Variants in WDR47 observed in about 807,000 individuals in gnomAD.
WDR47 encodes the protein WD repeat-containing protein 47.
A neutral mutation model predicts 97.2 loss-of-function variants in WDR47; 32 were observed. That is an observed-to-expected ratio of 0.33 (90% CI 0.25 to 0.44). WDR47 has a LOEUF of 0.44. WDR47 is among the 20% of genes least tolerant of loss of function. The pLI, the probability that WDR47 is intolerant of heterozygous loss-of-function variation, is 1.00. For synonymous variants in WDR47, 375 were observed against 373.5 expected (o/e 1.00, Z -0.05); for missense variants, 782 against 1,102.3 (o/e 0.71, Z 4.11).
At chr1:109,019,969 G>A (rs1183176493) in intron 2 of WDR47, among the ~76,000 whole-genome samples, 1 of 152,068 alleles carries the variant, frequency 6.6e-6, no homozygotes, top group Non-Finnish European at 1.5e-5. Context: ...AGCAAGATGG[G>A]CACAGTGGCT....
rs937911187 is a variant in WDR47 at position 109,011,128 on chromosome 1, A to G, written c.918T>C (p.Asp306=). 1 of 1,613,996 alleles carries G rather than the reference A, an allele frequency of 6.2e-7. No homozygotes were observed. Among genetic ancestry groups the G allele is most frequent in the African/African-American group, 1.3e-5 (1 of 74,910 alleles). The change falls in exon 5 of 15, where the codon GAT becomes GAC. Residue 306 remains aspartate, a synonymous_variant. Coordinates refer to ENST00000369962, the MANE Select transcript of WDR47 (RefSeq NM_001142551.2). Reference sequence around the variant, plus strand: ...GATTCAGAGAGCGGGTCATATAGGCATCAGCTGATTGAGGTCTTCTCATTG... The same window carrying G: ...GATTCAGAGAGCGGGTCATATAGGCGTCAGCTGATTGAGGTCTTCTCATTG... ...SSPMRRPQSA[D]AYMTRSLNPA... is the part of the protein sequence containing the mutation.
intron 8 of WDR47, chr1:108,992,967 T>C (rs1477663660): frequency 4.5e-6 from 3 of 666,534 alleles, no homozygotes; most frequent in Non-Finnish European, 7.6e-6. Flanking sequence ...AAAGGGCCCA[T>C]GAAATACCCA....
chr1:109,001,381 C>T (rs1660176636), intron 7 of WDR47, among the ~76,000 whole-genome samples: 1 of 151,864 alleles, frequency 6.6e-6, no homozygotes, highest in South Asian at 2.1e-4. Context: ...TAATTGGAAA[C>T]AATAAATGTA....
chr1:109,033,691 C>T (rs958020697), intron 1 of WDR47, among the ~76,000 whole-genome samples: 6 of 152,262 alleles, frequency 3.9e-5, no homozygotes, highest in Non-Finnish European at 7.4e-5. Context: ...GAGGCCAAGG[C>T]GGGCAGATCA....
At chr1:108,978,140 A>G (rs1379071136) in intron 13 of WDR47, among the ~76,000 whole-genome samples, 1 of 151,390 alleles carries the variant, frequency 6.6e-6, no homozygotes, top group Admixed American at 6.6e-5. Flanking sequence ...CATATCTTAC[A>G]GTGTCCCGTA....
intron 8 of WDR47, among the ~76,000 whole-genome samples, chr1:108,993,478 A>G (rs1659522886): frequency 6.6e-6 from 1 of 151,206 alleles, no homozygotes; most frequent in Non-Finnish European, 1.5e-5. Context: ...AAAAAAGGTG[A>G]AAAATAAAGC....
At chr1:109,010,273 A>G (rs1256831328) in intron 5 of WDR47, among the ~76,000 whole-genome samples, 1 of 151,816 alleles carries the variant, frequency 6.6e-6, no homozygotes, top group Non-Finnish European at 1.5e-5. Flanking sequence ...AAACATACAC[A>G]CTCCTGGGCA....
At chr1:109,023,794 G>A (rs374879589) in intron 1 of WDR47, among the ~76,000 whole-genome samples, 2 of 150,028 alleles carry the variant, frequency 1.3e-5, no homozygotes, top group African/African-American at 4.8e-5. Context: ...AATAATAGAA[G>A]AGAAGAGTGG....
At chr1:109,028,768 A>G (rs1662406420) in intron 1 of WDR47, among the ~76,000 whole-genome samples, 1 of 152,026 alleles carries the variant, frequency 6.6e-6, no homozygotes, top group Non-Finnish European at 1.5e-5. Context: ...ACTTTTTTTA[A>G]AAAACATTTT....
intron 1 of WDR47, chr1:109,030,404 AAATT>A (rs2102029611): frequency 2.4e-6 from 1 of 409,734 alleles, no homozygotes; most frequent in East Asian, 3.9e-5. Context: ...AATAAAATAA[AAATT>A]AAATGTTCAT....
intron 13 of WDR47, among the ~76,000 whole-genome samples, chr1:108,978,024 G>C (rs1022898960): frequency 2.0e-5 from 3 of 150,934 alleles, no homozygotes; most frequent in Non-Finnish European, 4.4e-5. Context: ...AATGTGGCTT[G>C]TTATTGTAGC....
Position 109,038,541 on chromosome 1 carries a change from TG to T in WDR47, c.-10+3320del, listed in dbSNP as rs1344558994. ...AAAAAATACAAAAATTAGCCAGGTG[TG>T]GTGGCAAGCACCTGTAGTCCTAGCT... On this transcript the variant is annotated intron_variant, in intron 1 of 14. Transcript: ENST00000369962. Among the ~76,000 whole-genome samples the T allele has an allele frequency of 3.9e-5, 6 of 151,976 alleles. 1 individual carries two copies. The highest frequency in any genetic ancestry group is 1.4e-4 in the African/African-American group (6 of 41,444).
At chr1:108,973,236 A>C (rs1214742060) in intron 14 of WDR47, among the ~76,000 whole-genome samples, 1 of 152,058 alleles carries the variant, frequency 6.6e-6, no homozygotes, top group Non-Finnish European at 1.5e-5. Flanking sequence ...GCCAAGATGC[A>C]CCACTGCACT....
intron 5 of WDR47, among the ~76,000 whole-genome samples, chr1:109,006,431 T>C (rs1053319616): frequency 6.6e-6 from 1 of 152,194 alleles, no homozygotes; most frequent in African/African-American, 2.4e-5. Flanking sequence ...GCTACCAGAC[T>C]GTGCTATGAA....
chr1:108,999,638 C>T (rs1209959396), intron 7 of WDR47, among the ~76,000 whole-genome samples: 1 of 151,066 alleles, frequency 6.6e-6, no homozygotes, highest in Non-Finnish European at 1.5e-5. Flanking sequence ...CACACTACTG[C>T]ACTCCAGACT....
intron 2 of WDR47, among the ~76,000 whole-genome samples, chr1:109,022,446 C>CT (rs1661912367): frequency 2.0e-5 from 3 of 151,746 alleles, no homozygotes; most frequent in South Asian, 2.1e-4. Flanking sequence ...TTTTCAAAGT[C>CT]CGATTTTCTT....
rs1660457911 is a variant in WDR47 at position 109,004,668 on chromosome 1, C to T, written c.1178G>A (p.Gly393Asp). The change falls in exon 6 of 15, where the codon GGC becomes GAC. Residue 393 changes from glycine (G) to aspartate (D), a missense_variant. Around this residue, in one of 3 missense-constraint regions of WDR47, gnomAD observed 428 missense variants for 584.3 expected, o/e 0.73. Transcript: ENST00000369962. The part of the protein sequence containing the change: ...AQRPIGSEIL[G>D]QSSVSEKEPA... ...CTCTTTTTCTGAAACTGAACTCTGG[C>T]CCAAGATTTCACTGCCGATAGGCCT... 7.4e-6 allele frequency: 12 copies of T among 1,613,474 alleles called. No homozygotes were observed. Among genetic ancestry groups the T allele is most frequent in the Non-Finnish European group, 9.3e-6 (11 of 1,179,732 alleles).
intron 10 of WDR47, among the ~76,000 whole-genome samples, chr1:108,985,755 A>T (rs558755272): frequency 6.6e-6 from 1 of 152,336 alleles, no homozygotes; most frequent in East Asian, 1.9e-4. Context: ...AACCCTAAAC[A>T]TATAAGTCTT....
At chr1:109,023,252 T>G in intron 2 of WDR47, 103 bp downstream of exon 2, 1 of 1,100,244 alleles carries the variant, frequency 9.1e-7, no homozygotes, top group Non-Finnish European at 1.2e-6. Context: ...TTACATAGCC[T>G]TTTCATGATT....
Sources: allele counts gnomAD v4.1 joint callset (sites outside exome capture counted in the v4.1 genomes callset), GRCh38; gene constraint gnomAD v4.1.1; regional missense constraint gnomAD v4.1.1; transcripts MANE v1.5; gene names NCBI Gene and HGNC (gene_info 2026-07-23, HGNC 2026-07-21).